The following LCP1 variants were observed in gnomAD, a reference collection of about 807,000 sequenced individuals.
LCP1 encodes lymphocyte cytosolic protein 1, also known as plastin-2.
In LCP1, 23 loss-of-function variants were observed where a neutral mutation model predicts 72.0. The observed-to-expected ratio is 0.32, with a 90% CI of 0.23 to 0.45. The LOEUF is 0.45. LCP1 is among the 20% of genes least tolerant of loss of function. The pLI, the probability that LCP1 is intolerant of heterozygous loss-of-function variation, is 1.00. For missense variants in LCP1, 571 were observed against 748.3 expected, an observed-to-expected ratio of 0.76 and a Z score of 2.76; for synonymous variants, 245 against 275.4, an observed-to-expected ratio of 0.89 and a Z score of 1.09.
rs572047946 is a variant in LCP1, at chr13:46,174,845, A to G, written c.-25+7266T>C. Among the ~76,000 whole-genome samples, 14 of 144,286 alleles carry G rather than the reference A, an allele frequency of 9.7e-5. 1 individual carries two copies. Among genetic ancestry groups the G allele is most frequent in the South Asian group, 4.2e-4 (2 of 4,738 alleles). The allele number at this position is 144,286 out of a possible 152,430, so 94.7% of individuals were successfully genotyped here. On this transcript the variant is annotated intron_variant, in intron 1 of 15. Transcript: ENST00000323076. ...GAAAACTCCATCTTCAAAAAAAAAA[A>G]AAAAAAGAAAAAAGAAAGAAAATGT...
At chr13:46,163,222 G>A (rs577053799) in intron 1 of LCP1, among the ~76,000 whole-genome samples, 1 of 152,382 alleles carries the variant, frequency 6.6e-6, no homozygotes, top group South Asian at 2.1e-4. Context: ...AAAAGATAGA[G>A]AAATCAGATT....
At position 46,127,537 on chromosome 13, in the gene LCP1, T is replaced by G. The variant is rs1248993682; in HGVS notation, c.*54A>C. On this transcript the variant is annotated 3_prime_UTR_variant, in exon 16 of 16. Transcript: ENST00000323076. ...TGGCTTGAATCATCCCTGGAGCATC[T>G]GTGCCGGGCAGTCAGGAGTGAGTGC... The G allele has an allele frequency of 1.2e-6, 2 of 1,605,702 alleles. No homozygotes were observed. Among genetic ancestry groups the G allele is most frequent in the Non-Finnish European group, 1.7e-6 (2 of 1,175,138 alleles).
chr13:46,176,735 T>C lies in LCP1; in HGVS notation c.-25+5376A>G, dbSNP rs562631133. On this transcript the variant is annotated intron_variant, in intron 1 of 15. Coordinates refer to ENST00000323076, the MANE Select transcript of LCP1 (RefSeq NM_002298.5). ...ATTATCTGGGAGATTGCAATTCACA[T>C]GCATAATTAATCTGCTTGCTGAATT... Among the ~76,000 whole-genome samples, 460 of 152,366 alleles carry C rather than the reference T, an allele frequency of 3.0e-3. 2 individuals are homozygous for C. The highest frequency in any genetic ancestry group is 5.3e-3 in the Non-Finnish European group (363 of 68,032).
intron 1 of LCP1, among the ~76,000 whole-genome samples, chr13:46,168,907 C>T (rs1032057569): frequency 1.3e-5 from 2 of 152,146 alleles, no homozygotes; most frequent in African/African-American, 4.8e-5. Context: ...TTTTTTAGGG[C>T]TTATTCTCCA....
At chr13:46,152,126 A>G (rs2045772269) in intron 7 of LCP1, among the ~76,000 whole-genome samples, 1 of 152,234 alleles carries the variant, frequency 6.6e-6, no homozygotes, top group African/African-American at 2.4e-5. Context: ...GGTCAAGCAA[A>G]TTAACATACT....
intron 6 of LCP1, 30 bp downstream of exon 6, chr13:46,154,775 C>A: frequency 6.4e-7 from 1 of 1,573,004 alleles, no homozygotes; most frequent in Non-Finnish European, 8.7e-7. Context: ...CAAACAAATC[C>A]TGTATTATGG....
rs2045743770 is a variant in LCP1 at position 46,148,430 on chromosome 13, G to A, written c.900C>T (p.Tyr300=). 1.2e-6 allele frequency: 2 copies of A among 1,610,504 alleles called. No individual in the cohort carries two copies. The highest frequency in any genetic ancestry group is 1.3e-5 in the African/African-American group (1 of 74,860). The change falls in exon 9 of 16, where the codon TAC becomes TAT. Residue 300 remains tyrosine, a synonymous_variant. Coordinates refer to ENST00000323076, the MANE Select transcript of LCP1 (RefSeq NM_002298.5). ...STDIKDSKAY[Y]HLLEQVAPKG... ...TTGGAGCCACCTGCTCAAGCAGGTG[G>A]TAATAAGCTTTTGAGTCCTGTGAGA...
intron 1 of LCP1, among the ~76,000 whole-genome samples, chr13:46,176,612 T>G (rs1360744107): frequency 6.6e-6 from 1 of 152,190 alleles, no homozygotes; most frequent in Non-Finnish European, 1.5e-5. Context: ...ACTACCAGAC[T>G]GAGGAAACAA....
intron 13 of LCP1, among the ~76,000 whole-genome samples, chr13:46,135,059 A>G (rs1324186083): frequency 6.9e-6 from 1 of 145,144 alleles, no homozygotes; most frequent in East Asian, 2.2e-4. Context: ...CAGTGAGCTG[A>G]GATAGTGCCA....
intron 1 of LCP1, among the ~76,000 whole-genome samples, chr13:46,179,372 GA>G (rs1295200914): frequency 5.3e-5 from 8 of 151,824 alleles, no homozygotes; most frequent in Non-Finnish European, 2.9e-5. Context: ...AAGAAGCTGA[GA>G]AAAAAAATAC....
chr13:46,138,328 T>A (rs2045677033), intron 13 of LCP1, among the ~76,000 whole-genome samples: 1 of 152,178 alleles, frequency 6.6e-6, no homozygotes, highest in Admixed American at 6.5e-5. Flanking sequence ...ATTTAATAGA[T>A]CTTTTAATAT....
At chr13:46,142,494 A>G (rs992852388) in intron 12 of LCP1, 69 bp from the exon 13 acceptor site, 3 of 1,487,816 alleles carry the variant, frequency 2.0e-6, no homozygotes, top group Non-Finnish European at 2.8e-6. Flanking sequence ...GATAAATAAT[A>G]AAAATAAAGA....
intron 10 of LCP1, among the ~76,000 whole-genome samples, chr13:46,145,869 A>C (rs1259747316): frequency 9.9e-6 from 1 of 101,188 alleles, no homozygotes; most frequent in Non-Finnish European, 1.9e-5. Context: ...AGATCCCGCC[A>C]CTGCACTCCA....
Position 46,173,490 on chromosome 13 carries a change from A to G in LCP1, c.-25+8621T>C, listed in dbSNP as rs538496491. On this transcript the variant is annotated intron_variant, in intron 1 of 15. Coordinates refer to ENST00000323076, the MANE Select transcript of LCP1 (RefSeq NM_002298.5). ...GGAAGTTAAAAGAAAATGTAAAAGA[A>G]CTAGAACTTTTGCAAAATTATCTTG... Among the ~76,000 whole-genome samples the G allele has an allele frequency of 3.9e-5, 6 of 152,346 alleles. No individual in the cohort carries two copies. In the East Asian group the frequency reaches 9.6e-4, roughly 24 times the overall value.
chr13:46,161,949 TAAG>T (rs1443317269), intron 1 of LCP1, among the ~76,000 whole-genome samples: 1 of 152,216 alleles, frequency 6.6e-6, no homozygotes, highest in Non-Finnish European at 1.5e-5. Context: ...ACACAGGCTT[TAAG>T]AAGAGGCCAT....
chr13:46,136,871 C>T (rs1240508471), intron 13 of LCP1, among the ~76,000 whole-genome samples: 1 of 152,186 alleles, frequency 6.6e-6, no homozygotes, highest in African/African-American at 2.4e-5. Context: ...CTAGTTCTCA[C>T]TTCCCTTCAT....
intron 1 of LCP1, among the ~76,000 whole-genome samples, chr13:46,181,538 T>C (rs1410654610): frequency 6.6e-6 from 1 of 152,252 alleles, no homozygotes; most frequent in South Asian, 2.1e-4. Context: ...TAATTCCATG[T>C]GGTTATAAAG....
intron 2 of LCP1, 72 bp from the exon 3 acceptor site, chr13:46,159,061 T>C (rs2045821643): frequency 2.8e-6 from 4 of 1,420,504 alleles, no homozygotes; most frequent in Admixed American, 1.7e-5. Context: ...GAGGGAAGAC[T>C]AGATGGAAGG....
At position 46,142,525 on chromosome 13, in the gene LCP1, G is replaced by C; in HGVS notation, c.1369-100C>G. On this transcript the variant is annotated intron_variant, in intron 12 of 15. Transcript: ENST00000323076. ...AAAGATAAAAAATGAAATAAATATG[G>C]TAAGACCGAATGACCTCTCAAGTCT... 3.8e-6 allele frequency: 5 copies of C among 1,320,492 alleles called. No individual in the cohort carries two copies. In the South Asian group the frequency reaches 7.0e-5, roughly 18 times the overall value. 81.8% of individuals were successfully genotyped at this position (1,320,492 alleles called of 1,614,324 possible). A position where few individuals can be genotyped will look rare whatever the true frequency, so the allele number is the denominator to read the frequency against.
Sources: gnomAD v4.1 joint callset for allele counts (sites outside exome capture counted in the v4.1 genomes callset) on GRCh38, gnomAD v4.1.1 for gene constraint, MANE v1.5 for transcripts, NCBI Gene and HGNC (gene_info 2026-07-23, HGNC 2026-07-21) for gene names.